The following RORB variants were observed in gnomAD, a reference collection of about 807,000 sequenced individuals.
The protein encoded by RORB is nuclear receptor ROR-beta.
A neutral mutation model predicts 59.1 loss-of-function variants in RORB; 6 were observed. The ratio of observed to expected loss-of-function variants is 0.10; its 90% CI spans 0.06 to 0.20. The LOEUF (loss-of-function observed/expected upper bound fraction) is 0.20, where lower values mean the gene tolerates loss of function less well. Among genes scored for constraint, RORB ranks in the 10% least tolerant of loss-of-function variants. RORB has a pLI of 1.00. For missense variants in RORB, 320 were observed against 560.5 expected, an observed-to-expected ratio of 0.57 and a Z score of 4.33; for synonymous variants, 215 against 204.5, an observed-to-expected ratio of 1.05 and a Z score of -0.44.
At chr9:74,610,801 GA>G in intron 1 of RORB, among the ~76,000 whole-genome samples, 1 of 152,186 alleles carries the variant, frequency 6.6e-6, no homozygotes, top group Non-Finnish European at 1.5e-5. Flanking sequence ...GAACCATCCA[GA>G]AAGCTAGTGA....
At chr9:74,535,919 T>C (rs1041372380) in intron 1 of RORB, among the ~76,000 whole-genome samples, 1 of 152,046 alleles carries the variant, frequency 6.6e-6, no homozygotes, top group East Asian at 1.9e-4. Flanking sequence ...GTTGTTGTTG[T>C]TGATTATCTA....
At chr9:74,640,393 C>T (rs1383805857) in intron 3 of RORB, among the ~76,000 whole-genome samples, 1 of 151,866 alleles carries the variant, frequency 6.6e-6, no homozygotes, top group African/African-American at 2.4e-5. Flanking sequence ...AAGCACACAC[C>T]ACCACGCCCA....
At chr9:74,611,903 G>A (rs1056011413) in intron 1 of RORB, among the ~76,000 whole-genome samples, 2 of 152,004 alleles carry the variant, frequency 1.3e-5, no homozygotes, top group Non-Finnish European at 2.9e-5. Context: ...ACCCACCTCG[G>A]CCTCCCAAAG....
intron 1 of RORB, among the ~76,000 whole-genome samples, chr9:74,528,735 G>A (rs1268170273): frequency 6.6e-6 from 1 of 151,858 alleles, no homozygotes; most frequent in Admixed American, 6.6e-5. Flanking sequence ...GAGCTACTAG[G>A]TGCTATTCTA....
intron 1 of RORB, among the ~76,000 whole-genome samples, chr9:74,517,695 C>T (rs1266639265): frequency 2.0e-5 from 3 of 151,670 alleles, no homozygotes; most frequent in Admixed American, 6.6e-5. Flanking sequence ...TGTTTAATTT[C>T]TAGAAATAGA....
intron 6 of RORB, among the ~76,000 whole-genome samples, chr9:74,663,210 A>G (rs1824217592): frequency 1.3e-5 from 2 of 152,182 alleles, no homozygotes; most frequent in South Asian, 4.1e-4. Context: ...CCCTTTGAAA[A>G]TAGAAAATAA....
intron 1 of RORB, among the ~76,000 whole-genome samples, chr9:74,546,606 G>A (rs1587353188): frequency 1.3e-5 from 2 of 152,310 alleles, no homozygotes; most frequent in East Asian, 1.9e-4. Context: ...AGAGGGAAAT[G>A]TTCTCAGAGA....
intron 9 of RORB, among the ~76,000 whole-genome samples, chr9:74,679,505 A>G (rs189153472): frequency 2.0e-5 from 3 of 152,292 alleles, no homozygotes; most frequent in Middle Eastern, 3.4e-3. Flanking sequence ...CCAAGTTTTT[A>G]AATTTCAAAT....
intron 8 of RORB, among the ~76,000 whole-genome samples, chr9:74,669,296 T>A (rs2118537786): frequency 6.6e-6 from 1 of 152,244 alleles, no homozygotes; most frequent in Middle Eastern, 3.4e-3. Flanking sequence ...CTGGCTAACA[T>A]GGTGAAACCC....
At chr9:74,677,803 C>A (rs544014248) in intron 9 of RORB, among the ~76,000 whole-genome samples, 1 of 152,268 alleles carries the variant, frequency 6.6e-6, no homozygotes, top group South Asian at 2.1e-4. Context: ...AACATCATAG[C>A]CACAGCTTTC....
In RORB at chr9:74,689,153, G is replaced by C. The variant is rs1195500985; in HGVS notation, c.*3535G>C. 1 of 152,306 alleles carries C rather than the reference G, an allele frequency of 6.6e-6. No homozygotes were observed. The highest frequency in any genetic ancestry group is 1.5e-5 in the Non-Finnish European group (1 of 68,154). The allele number at this position is 152,306 out of a possible 1,614,324, so 9.4% of individuals were successfully genotyped here. Reference sequence around the variant, plus strand: ...TGTTCAACATGTTGCTCAGGCTGGAGTGCAGTGGCATGAGATCTTGGCTCG... The same window carrying C: ...TGTTCAACATGTTGCTCAGGCTGGACTGCAGTGGCATGAGATCTTGGCTCG... On this transcript the variant is annotated 3_prime_UTR_variant, in exon 10 of 10. Transcript: ENST00000376896.
rs541615970 is a variant in RORB, at chr9:74,682,849, C to T, written c.1225-2614C>T. 1.8e-4 allele frequency among the ~76,000 whole-genome samples: 27 copies of T among 152,350 alleles called. No homozygotes were observed. In the South Asian group the frequency reaches 4.4e-3, roughly 25 times the overall value. Reference sequence around the variant, plus strand: ...TCAAGCGATCCTCTTGCCTCAGCCTCTACAGTAGTTGGGATTACAGATCTG... The same window carrying T: ...TCAAGCGATCCTCTTGCCTCAGCCTTTACAGTAGTTGGGATTACAGATCTG... On this transcript the variant is annotated intron_variant, in intron 9 of 9. Coordinates refer to ENST00000376896, the MANE Select transcript of RORB (RefSeq NM_006914.4).
At chr9:74,585,784 A>ATATT (rs60816499) in intron 1 of RORB, among the ~76,000 whole-genome samples, 29,243 of 144,960 alleles carry the variant, frequency 0.2, 3,159 homozygotes, top group African/African-American at 0.28. Flanking sequence ...TTCACAGGGG[A>ATATT]TATTTATTTA....
intron 1 of RORB, among the ~76,000 whole-genome samples, chr9:74,621,285 C>T (rs1291707117): frequency 1.3e-5 from 2 of 152,064 alleles, no homozygotes; most frequent in Non-Finnish European, 2.9e-5. Flanking sequence ...ACTCCAAACC[C>T]ATGGCAACTA....
chr9:74,576,086 G>A (rs926829175), intron 1 of RORB, among the ~76,000 whole-genome samples: 5 of 152,128 alleles, frequency 3.3e-5, no homozygotes, highest in Admixed American at 6.6e-5. Flanking sequence ...CTCGCTGTTT[G>A]TGGGAAGCTT....
intron 1 of RORB, among the ~76,000 whole-genome samples, chr9:74,597,371 C>T (rs1377121659): frequency 6.6e-6 from 1 of 152,208 alleles, no homozygotes; most frequent in East Asian, 1.9e-4. Context: ...TGTAGAGAGG[C>T]ACTGGCCAAT....
At chr9:74,604,726 TAGA>T (rs1563950412) in intron 1 of RORB, among the ~76,000 whole-genome samples, 3 of 152,174 alleles carry the variant, frequency 2.0e-5, no homozygotes, top group South Asian at 2.1e-4. Context: ...TTAAATAAGG[TAGA>T]AGAAGAAGTC....
intron 4 of RORB, among the ~76,000 whole-genome samples, chr9:74,650,428 T>C (rs1402138400): frequency 6.6e-6 from 1 of 152,210 alleles, no homozygotes; most frequent in African/African-American, 2.4e-5. Context: ...ACAAGGTTGA[T>C]GGGGATTAGC....
intron 1 of RORB, among the ~76,000 whole-genome samples, chr9:74,521,196 C>T (rs1468687943): frequency 6.6e-6 from 1 of 151,798 alleles, no homozygotes; most frequent in Non-Finnish European, 1.5e-5. Flanking sequence ...AGGGTCTAAT[C>T]GTAAGTCCAA....
Sources: allele counts gnomAD v4.1 joint callset (sites outside exome capture counted in the v4.1 genomes callset), GRCh38; gene constraint gnomAD v4.1.1; transcripts MANE v1.5; gene names NCBI Gene and HGNC (gene_info 2026-07-23, HGNC 2026-07-21).